Variants in ZNF493 observed in about 807,000 individuals in gnomAD.
ZNF493 encodes the protein zinc finger protein 493.
In ZNF493, 11 loss-of-function variants were observed where a neutral mutation model predicts 12.2. The observed-to-expected ratio is 0.90, with a 90% CI of 0.57 to 1.50. ZNF493 has a LOEUF of 1.50. Ranked by LOEUF, ZNF493 falls within the 40% of genes most tolerant of loss-of-function variation. The pLI is 0.00. For synonymous variants in ZNF493, 286 were observed against 302.6 expected (o/e 0.95, Z 0.57); for missense variants, 950 against 906.6 (o/e 1.05, Z -0.61).
chr19:21,420,533 G>GT (rs5827504), intron 3 of ZNF493, among the ~76,000 whole-genome samples: 91,991 of 125,218 alleles, frequency 0.73, 33,736 homozygotes, highest in Middle Eastern at 0.8. Context: ...TATTTTTGAA[G>GT]TTTTTTTTTC....
rs1200689606 is a variant in ZNF493, at chr19:21,423,028, A to AAAAGGATGT, written c.373_381dup (p.Gly125_Lys127dup). The AAAAGGATGT allele has an allele frequency of 3.1e-6, 5 of 1,613,158 alleles. No homozygotes were observed. Among genetic ancestry groups the AAAAGGATGT allele is most frequent in the Non-Finnish European group, 4.2e-6 (5 of 1,179,714 alleles). ...GTGGACATAAGGATTTACAGTTAAGAAAAGGATGTAAAAGTATGAATGAGT... is the reference window on the plus strand; with the variant it reads ...GTGGACATAAGGATTTACAGTTAAGAAAAGGATGTAAAGGATGTAAAAGTATGAATGAGT... On this transcript the variant is annotated inframe_insertion, in exon 4 of 4. Coordinates refer to ENST00000392288, the MANE Select transcript of ZNF493 (RefSeq NM_001076678.3).
Position 21,425,861 on chromosome 19 carries a change from A to C in ZNF493, c.*877A>C. ...GATGGAGAGAAACCATACAACTGTGAAGAATGTGGCAAAGCTTTTAACCAG... is the reference window on the plus strand; with the variant it reads ...GATGGAGAGAAACCATACAACTGTGCAGAATGTGGCAAAGCTTTTAACCAG... On this transcript the variant is annotated 3_prime_UTR_variant, in exon 4 of 4. Coordinates refer to ENST00000392288, the MANE Select transcript of ZNF493 (RefSeq NM_001076678.3). 1.2e-5 allele frequency: 7 copies of C among 582,158 alleles called. No individual in the cohort carries two copies. The highest frequency in any genetic ancestry group is 9.8e-5 in the South Asian group (7 of 71,768). The allele number at this position is 582,158 out of a possible 1,614,324, so 36.1% of individuals were successfully genotyped here.
At chr19:21,401,773 C>T (rs1451671114) in intron 1 of ZNF493, among the ~76,000 whole-genome samples, 2 of 151,660 alleles carry the variant, frequency 1.3e-5, no homozygotes, top group East Asian at 1.9e-4. Context: ...TACAAGTGTG[C>T]ACCACCACAC....
At chr19:21,412,473 TGGCCAGTTTTGG>T (rs1420139488) in intron 3 of ZNF493, 1 of 155,136 alleles carries the variant, frequency 6.4e-6, no homozygotes, top group East Asian at 1.9e-4. Flanking sequence ...ATTTAGTTTA[TGGCCAGTTTTGG>T]GGCCAGTTTA....
chr19:21,406,736 GT>G (rs557257664), intron 3 of ZNF493, among the ~76,000 whole-genome samples: 18 of 148,018 alleles, frequency 1.2e-4, no homozygotes, highest in African/African-American at 3.7e-4. Context: ...CCTCTGCTTT[GT>G]TTTTTTTTCT....
In ZNF493 at chr19:21,425,312, C is replaced by G; in HGVS notation, c.*328C>G. The G allele has an allele frequency of 2.3e-6, 1 of 431,658 alleles. No individual in the cohort carries two copies. Among genetic ancestry groups the G allele is most frequent in the East Asian group, 4.8e-5 (1 of 20,980 alleles). 26.7% of individuals were successfully genotyped at this position (431,658 alleles called of 1,614,324 possible). A position where few individuals can be genotyped will look rare whatever the true frequency, so the allele number is the denominator to read the frequency against. On this transcript the variant is annotated 3_prime_UTR_variant, in exon 4 of 4. Transcript: ENST00000392288. ...ACAAAGCTTTTAACCACTTCTCAAC[C>G]CTGCCTACACGTAAGATAATTCATA...
At chr19:21,397,461 G>A (rs549393217) in intron 1 of ZNF493, 194 bp downstream of exon 1, 1 of 694,146 alleles carries the variant, frequency 1.4e-6, no homozygotes. Context: ...GGCCCCGGGC[G>A]TCCTGTCTCT....
At chr19:21,404,992 T>A in intron 1 of ZNF493, 137 bp from the exon 2 acceptor site, 1 of 1,419,078 alleles carries the variant, frequency 7.0e-7, no homozygotes, top group Non-Finnish European at 9.4e-7. Flanking sequence ...TGTTGAAAAT[T>A]GTTGGATAAT....
At position 21,424,415 on chromosome 19, in the gene ZNF493, T is replaced by G. The variant is rs142392525; in HGVS notation, c.1756T>G (p.Ser586Ala). The G allele has an allele frequency of 7.4e-6, 12 of 1,613,210 alleles. No individual in the cohort carries two copies. The African/African-American group carries it at 1.1e-4, about 14-fold the overall frequency. ...ATGTGGCAAATCCTTTAGTGTATTCTCAACCCTTACTAAACACAAGATAAT... is the reference window on the plus strand; with the variant it reads ...ATGTGGCAAATCCTTTAGTGTATTCGCAACCCTTACTAAACACAAGATAAT... The part of the protein sequence containing the change: ...KECGKSFSVF[S>A]TLTKHKIIHT... The change falls in exon 4 of 4, where the codon TCA (serine) becomes GCA (alanine). Residue 586 changes from serine to alanine, a missense_variant. By Grantham distance (99) the Ser-to-Ala change is moderately conservative. Coordinates refer to ENST00000392288, the MANE Select transcript of ZNF493 (RefSeq NM_001076678.3).
intron 2 of ZNF493, 177 bp downstream of exon 2, chr19:21,405,432 G>C: frequency 7.1e-7 from 1 of 1,418,196 alleles, no homozygotes; most frequent in Non-Finnish European, 9.2e-7. Flanking sequence ...GTTTTATCTT[G>C]GCCTGATCTT....
intron 3 of ZNF493, chr19:21,412,756 G>T (rs528777436): frequency 2.5e-5 from 7 of 277,594 alleles, no homozygotes; most frequent in South Asian, 2.2e-4. Flanking sequence ...TTAACATCAG[G>T]TGTGCTTGGG....
In ZNF493 at chr19:21,418,676, C is replaced by T. The variant is rs371491984; in HGVS notation, c.254-4237C>T. 6.6e-5 allele frequency among the ~76,000 whole-genome samples: 10 copies of T among 152,214 alleles called. 1 individual carries two copies. Among genetic ancestry groups the T allele is most frequent in the South Asian group, 4.1e-4 (2 of 4,826 alleles). On this transcript the variant is annotated intron_variant, in intron 3 of 3. Transcript: ENST00000392288. Reference sequence around the variant, plus strand: ...AGATCCCTGAACAGAGATTTACCCACGTATTTATTAACAGCAAGCCAGTCA... The same window carrying T: ...AGATCCCTGAACAGAGATTTACCCATGTATTTATTAACAGCAAGCCAGTCA...
chr19:21,409,502 G>T, intron 3 of ZNF493, among the ~76,000 whole-genome samples: 1 of 152,016 alleles, frequency 6.6e-6, no homozygotes, highest in East Asian at 1.9e-4. Context: ...TCAGAAATTT[G>T]GGAGTCCAAA....
In ZNF493 at chr19:21,397,134, T is replaced by C; in HGVS notation, c.-104T>C. The C allele has an allele frequency of 1.5e-6, 2 of 1,352,352 alleles. No individual in the cohort carries two copies. The highest frequency in any genetic ancestry group is 2.1e-6 in the Non-Finnish European group (2 of 944,490). The allele number at this position is 1,352,352 out of a possible 1,614,324, so 83.8% of individuals were successfully genotyped here. A position where few individuals can be genotyped will look rare whatever the true frequency, so the allele number is the denominator to read the frequency against. On this transcript the variant is annotated 5_prime_UTR_variant, in exon 1 of 4. Transcript: ENST00000392288. ...CGGCTTCCGGGATGTGGCTGGGCCA[T>C]TGTTTCTCTCTGCTGCCGGAGCTCC...
In ZNF493 at chr19:21,425,224, C is replaced by A; in HGVS notation, c.*240C>A. ...TGTGGCAAAGGCTTTAATTAGTTCT[C>A]ATCCCTTACTAAACATAAGAGAATT... On this transcript the variant is annotated 3_prime_UTR_variant, in exon 4 of 4. Coordinates refer to ENST00000392288, the MANE Select transcript of ZNF493 (RefSeq NM_001076678.3). 1.8e-6 allele frequency: 1 copy of A among 565,910 alleles called. No homozygotes were observed. The highest frequency in any genetic ancestry group is 3.2e-6 in the Non-Finnish European group (1 of 309,264). 35.1% of individuals were successfully genotyped at this position (565,910 alleles called of 1,614,324 possible).
At chr19:21,419,266 G>T (rs2030583907) in intron 3 of ZNF493, among the ~76,000 whole-genome samples, 1 of 152,050 alleles carries the variant, frequency 6.6e-6, no homozygotes, top group Non-Finnish European at 1.5e-5. Context: ...GTTGGTGTTG[G>T]ATAATTGATT....
rs1308978264 is a variant in ZNF493, at chr19:21,397,168, C to A, written c.-70C>A. 4.4e-6 allele frequency: 7 copies of A among 1,583,206 alleles called. No homozygotes were observed. In the Admixed American group the frequency reaches 6.7e-5, roughly 15 times the overall value. On this transcript the variant is annotated 5_prime_UTR_variant, in exon 1 of 4. Transcript: ENST00000392288. ...TCTGCTGCCGGAGCTCCAGGTCTAC[C>A]CTTCACTGCTCTGTGTCCTCAGCGT...
chr19:21,421,387 T>TA (rs1191392594), intron 3 of ZNF493, among the ~76,000 whole-genome samples: 1 of 152,064 alleles, frequency 6.6e-6, no homozygotes, highest in Non-Finnish European at 1.5e-5. Flanking sequence ...ATTTTTGAGA[T>TA]AGAGTTTTGC....
At chr19:21,420,084 G>C (rs2562413) in intron 3 of ZNF493, among the ~76,000 whole-genome samples, 26,094 of 151,982 alleles carry the variant, frequency 0.17, 2,532 homozygotes, top group Non-Finnish European at 0.22. Flanking sequence ...GAAGACTTCT[G>C]GCTTATCTCA....
Sources: gnomAD v4.1 joint callset for allele counts (sites outside exome capture counted in the v4.1 genomes callset) on GRCh38, gnomAD v4.1.1 for gene constraint, MANE v1.5 for transcripts, NCBI Gene and HGNC (gene_info 2026-07-23, HGNC 2026-07-21) for gene names.